MRPS27: variants seen among roughly 807,000 people sequenced by gnomAD.
MRPS27 encodes small ribosomal subunit protein mS27.
Under a neutral mutation model 48.9 loss-of-function variants are expected in MRPS27, and 43 were observed. The observed-to-expected ratio is 0.88, with a 90% CI of 0.69 to 1.13. MRPS27 has a LOEUF of 1.13. Ranked by LOEUF, MRPS27 falls within the 50% of genes most tolerant of loss-of-function variation. The pLI is 0.00. For missense variants in MRPS27, 467 were observed against 476.3 expected (o/e 0.98, Z 0.18); for synonymous variants, 188 against 171.9 (o/e 1.09, Z -0.73).
chr5:72,221,859 A>G (rs572978270), intron 10 of MRPS27, among the ~76,000 whole-genome samples: 1 of 152,090 alleles, frequency 6.6e-6, no homozygotes, highest in Admixed American at 6.5e-5. Context: ...GCTCCATCTG[A>G]AATGGCACCT....
In MRPS27 at chr5:72,226,118, G is replaced by A. The variant is rs1056125054; in HGVS notation, c.776C>T (p.Ala259Val). Reference protein sequence around the residue: ...LIWKPGYLDRALQVMEKVAAS... With the variant: ...LIWKPGYLDRVLQVMEKVAAS... ...AGCCACTTTCTCCATCACTTGAAGG[G>A]CTCTGTCAAGGTAGCCTGGTTTCCA... is the stretch of plus-strand genomic sequence containing the variant. Residue 259 changes from alanine (A) to valine (V), a missense_variant, in exon 9 of 11, where the codon GCC becomes GTC. Transcript: ENST00000261413. 1.4e-5 allele frequency: 23 copies of A among 1,613,642 alleles called. No individual in the cohort carries two copies. Among genetic ancestry groups the A allele is most frequent in the Non-Finnish European group, 1.9e-5 (22 of 1,179,832 alleles).
chr5:72,241,398 T>C, intron 4 of MRPS27: 1 of 536,224 alleles, frequency 1.9e-6, no homozygotes, highest in Non-Finnish European at 3.3e-6. Context: ...TTCCTGAATT[T>C]CCCAGCCAGG....
chr5:72,320,061 G>A, intron 1 of MRPS27, 88 bp downstream of exon 1: 3 of 1,404,948 alleles, frequency 2.1e-6, no homozygotes, highest in African/African-American at 2.8e-5. Context: ...TCAGATTCCA[G>A]AAACGTTTCC....
At chr5:72,267,140 G>A (rs1749125239) in intron 4 of MRPS27, among the ~76,000 whole-genome samples, 1 of 152,188 alleles carries the variant, frequency 6.6e-6, no homozygotes, top group African/African-American at 2.4e-5. Flanking sequence ...CAATGCTAAA[G>A]AATCTGACAA....
chr5:72,291,353 C>A (rs1749814768), intron 4 of MRPS27, among the ~76,000 whole-genome samples: 1 of 152,192 alleles, frequency 6.6e-6, no homozygotes, highest in Non-Finnish European at 1.5e-5. Context: ...AACCCTCTGG[C>A]AGTCTGATGA....
chr5:72,278,723 C>A (rs374061437), intron 4 of MRPS27, among the ~76,000 whole-genome samples: 2 of 151,916 alleles, frequency 1.3e-5, no homozygotes, highest in Admixed American at 6.6e-5. Flanking sequence ...ATTATATGTA[C>A]GATATTTCAC....
rs899609668 is a variant in MRPS27 at position 72,238,100 on chromosome 5, G to T, written c.310C>A (p.Leu104Met). The T allele has an allele frequency of 1.6e-5, 26 of 1,613,318 alleles. No homozygotes were observed. Among genetic ancestry groups the T allele is most frequent in the Non-Finnish European group, 1.9e-5 (23 of 1,179,652 alleles). The part of the protein sequence containing the change: ...KFRHSPNCWY[L>M]RNWTIHTWIR... Reference sequence around the variant, plus strand: ...CAGGTGTGGATAGTCCAGTTTCTCAGGTACCAGCAGTTGGGGCTGTGTCGA... The same window carrying T: ...CAGGTGTGGATAGTCCAGTTTCTCATGTACCAGCAGTTGGGGCTGTGTCGA... Residue 104 changes from leucine to methionine, a missense_variant, in exon 5 of 11, where the codon CTG becomes ATG. Coordinates refer to ENST00000261413, the MANE Select transcript of MRPS27 (RefSeq NM_015084.3).
At chr5:72,308,825 C>T (rs994285199) in intron 2 of MRPS27, among the ~76,000 whole-genome samples, 1 of 152,192 alleles carries the variant, frequency 6.6e-6, no homozygotes, top group East Asian at 1.9e-4. Context: ...AGTGTGAGTT[C>T]CAAAACATTA....
At chr5:72,291,018 C>T (rs73127291) in intron 4 of MRPS27, among the ~76,000 whole-genome samples, 1,665 of 152,246 alleles carry the variant, frequency 0.011, 30 homozygotes, top group African/African-American at 0.038. Context: ...ACCCTGCCAG[C>T]GCTGGTCTCC....
intron 2 of MRPS27, among the ~76,000 whole-genome samples, chr5:72,298,712 C>CAAAAAAAA (rs1259668404): frequency 6.5e-5 from 2 of 30,580 alleles, no homozygotes; most frequent in Non-Finnish European, 1.4e-4. Context: ...GACTCCGTCT[C>CAAAAAAAA]AAAAAAAAAA....
intron 4 of MRPS27, among the ~76,000 whole-genome samples, chr5:72,290,206 G>A (rs987673488): frequency 6.6e-6 from 1 of 152,160 alleles, no homozygotes; most frequent in African/African-American, 2.4e-5. Flanking sequence ...TGGAGGTTAT[G>A]GGGGGAAAGC....
intron 4 of MRPS27, among the ~76,000 whole-genome samples, chr5:72,262,832 AG>A (rs1749018793): frequency 6.6e-6 from 1 of 152,054 alleles, no homozygotes; most frequent in Non-Finnish European, 1.5e-5. Flanking sequence ...TTGCAGTGGC[AG>A]GATCATAGCT....
chr5:72,228,148 C>G, intron 8 of MRPS27, 118 bp downstream of exon 8: 2 of 878,684 alleles, frequency 2.3e-6, no homozygotes, highest in Non-Finnish European at 3.6e-6. Flanking sequence ...TGTCTAAAAA[C>G]GAAGGCTAAT....
intron 4 of MRPS27, among the ~76,000 whole-genome samples, chr5:72,266,421 G>C (rs1749108704): frequency 6.6e-6 from 1 of 152,178 alleles, no homozygotes; most frequent in African/African-American, 2.4e-5. Context: ...ATCTTTCTAG[G>C]ACAGGAATCT....
intron 4 of MRPS27, among the ~76,000 whole-genome samples, chr5:72,248,626 G>C (rs1458228313): frequency 8.9e-6 from 1 of 111,764 alleles, no homozygotes; most frequent in Non-Finnish European, 1.7e-5. Context: ...CCTTGGCAAA[G>C]ATACAGGTTT....
At position 72,287,471 on chromosome 5, in the gene MRPS27, CT is replaced by C. The variant is rs2112045069; in HGVS notation, c.281+8059del. Among the ~76,000 whole-genome samples the C allele has an allele frequency of 1.3e-5, 2 of 152,292 alleles. 1 individual carries two copies. Among genetic ancestry groups the C allele is most frequent in the South Asian group, 4.1e-4 (2 of 4,832 alleles). On this transcript the variant is annotated intron_variant, in intron 4 of 10. Transcript: ENST00000261413. ...CCTTGCCAACATGGTGAAACCCTATCTCTACAAAAACACAAAAATTAGCCAG... is the reference window on the plus strand; with the variant it reads ...CCTTGCCAACATGGTGAAACCCTATCCTACAAAAACACAAAAATTAGCCAG...
chr5:72,288,889 T>C (rs1362895910), intron 4 of MRPS27: 1 of 152,248 alleles, frequency 6.6e-6, no homozygotes, highest in East Asian at 1.9e-4. Context: ...ATGCATGCTG[T>C]TCCCTCTTAA....
intron 4 of MRPS27, among the ~76,000 whole-genome samples, chr5:72,270,859 C>T (rs566121514): frequency 6.6e-6 from 1 of 152,184 alleles, no homozygotes; most frequent in Non-Finnish European, 1.5e-5. Flanking sequence ...CAAAGTAATA[C>T]ATTATATTAA....
At chr5:72,263,901 A>T (rs2112006141) in intron 4 of MRPS27, among the ~76,000 whole-genome samples, 1 of 152,312 alleles carries the variant, frequency 6.6e-6, no homozygotes, top group African/African-American at 2.4e-5. Flanking sequence ...CTAGGTAGAT[A>T]CCCAAAAGAA....
Sources: allele counts gnomAD v4.1 joint callset (sites outside exome capture counted in the v4.1 genomes callset), GRCh38; gene constraint gnomAD v4.1.1; transcripts MANE v1.5; gene names NCBI Gene and HGNC (gene_info 2026-07-23, HGNC 2026-07-21).